FAT3: variants seen among roughly 807,000 people sequenced by gnomAD.
FAT3 encodes FAT atypical cadherin 3.
FAT3 carries 95 observed loss-of-function variants against 310.2 expected under a neutral mutation model. The ratio of observed to expected loss-of-function variants is 0.31; its 90% confidence interval spans 0.26 to 0.36. FAT3 has a LOEUF of 0.36. FAT3 is among the 10% of genes least tolerant of loss of function. FAT3 has a pLI of 1.00. For missense variants in FAT3, 5,408 were observed against 5,715.6 expected, an observed-to-expected ratio of 0.95 and a Z score of 1.74; for synonymous variants, 2,314 against 2,192.9, an observed-to-expected ratio of 1.06 and a Z score of -1.54.
chr11:92,251,990 A>C (rs2134280108), intron 1 of FAT3, among the ~76,000 whole-genome samples: 1 of 152,272 alleles, frequency 6.6e-6, no homozygotes, highest in South Asian at 2.1e-4. Context: ...AACAGGCCTG[A>C]AAATTCTACA....
chr11:92,818,927 C>T (rs1947890721), intron 13 of FAT3, among the ~76,000 whole-genome samples: 1 of 152,190 alleles, frequency 6.6e-6, no homozygotes, highest in African/African-American at 2.4e-5. Flanking sequence ...CCTAGGCAAG[C>T]TCAGTTACTT....
At chr11:92,268,716 C>T (rs529400399) in intron 1 of FAT3, among the ~76,000 whole-genome samples, 1 of 152,016 alleles carries the variant, frequency 6.6e-6, no homozygotes, top group Non-Finnish European at 1.5e-5. Context: ...TACATATTTC[C>T]CCAGGCATTC....
intron 18 of FAT3, among the ~76,000 whole-genome samples, chr11:92,842,404 G>A (rs760068558): frequency 6.6e-6 from 1 of 152,104 alleles, no homozygotes; most frequent in African/African-American, 2.4e-5. Context: ...ACATGTGAAC[G>A]GGCAACCTCT....
intron 3 of FAT3, among the ~76,000 whole-genome samples, chr11:92,606,610 C>A (rs1236583631): frequency 6.6e-6 from 1 of 152,194 alleles, no homozygotes. Flanking sequence ...CAGTGTCAGT[C>A]ATTCTGCTAA....
chr11:92,689,264 C>G (rs1444662881), intron 3 of FAT3, among the ~76,000 whole-genome samples: 1 of 151,976 alleles, frequency 6.6e-6, no homozygotes, highest in Non-Finnish European at 1.5e-5. Context: ...TAGGATTCAT[C>G]TATATAGTGG....
In FAT3 at chr11:92,542,522, G is replaced by A. The variant is rs1045230584; in HGVS notation, c.3607+17574G>A. Among the ~76,000 whole-genome samples the A allele has an allele frequency of 7.2e-5, 11 of 151,766 alleles. No homozygotes were observed. The East Asian group carries it at 1.9e-3, about 27-fold the overall frequency. ...ACATACATAACTCTGATTAGAAAATGGACAAAAGACCTGAAAAGACATTTC... is the reference window on the plus strand; with the variant it reads ...ACATACATAACTCTGATTAGAAAATAGACAAAAGACCTGAAAAGACATTTC... On this transcript the variant is annotated intron_variant, in intron 3 of 27. Coordinates refer to ENST00000525166, the MANE Select transcript of FAT3 (RefSeq NM_001367949.2).
chr11:92,754,128 T>C (rs542611967), intron 4 of FAT3, among the ~76,000 whole-genome samples: 1 of 152,014 alleles, frequency 6.6e-6, no homozygotes, highest in South Asian at 2.1e-4. Context: ...CAATAACATA[T>C]GGAAATATAA....
Position 92,523,532 on chromosome 11 carries a change from G to A in FAT3, c.3293-1102G>A, listed in dbSNP as rs112612075. ...GTACTTGGCAGTTTGCTTATGCAGG[G>A]TCTATAGGCTAAGTTATATGCCTAA... On this transcript the variant is annotated intron_variant, in intron 2 of 27. Transcript: ENST00000525166. 4.3e-3 allele frequency among the ~76,000 whole-genome samples: 651 copies of A among 152,226 alleles called. 4 individuals are homozygous for A. The highest frequency in any genetic ancestry group is 0.015 in the African/African-American group (614 of 41,514).
intron 2 of FAT3, among the ~76,000 whole-genome samples, chr11:92,406,068 C>G (rs1017770493): frequency 1.3e-5 from 2 of 152,102 alleles, no homozygotes; most frequent in Admixed American, 6.5e-5. Context: ...ATCTTCATTC[C>G]TTGGTTCATA....
intron 1 of FAT3, among the ~76,000 whole-genome samples, chr11:92,297,428 G>A (rs1385853841): frequency 6.6e-6 from 1 of 152,108 alleles, no homozygotes; most frequent in Non-Finnish European, 1.5e-5. Flanking sequence ...CTTTGTAACA[G>A]TCACAAGAAA....
intron 2 of FAT3, among the ~76,000 whole-genome samples, chr11:92,442,084 TA>T (rs1565319970): frequency 2.1e-4 from 13 of 63,190 alleles, no homozygotes; most frequent in African/African-American, 9.1e-4. Flanking sequence ...ATATATTTTA[TA>T]TATATATATA....
intron 4 of FAT3, among the ~76,000 whole-genome samples, chr11:92,721,254 T>C (rs1332908153): frequency 4.6e-5 from 7 of 152,226 alleles, no homozygotes; most frequent in Non-Finnish European, 1.5e-5. Context: ...TTAAAGGGCC[T>C]TATTAGCTAT....
In FAT3 at chr11:92,891,123, C is replaced by T. The variant is rs766834913; in HGVS notation, c.*10C>T. ...TCAGACTCAAGTGTAGACATCACAT[C>T]TTGGGTACTTCACCCTGTTTGTTAC... On this transcript the variant is annotated 3_prime_UTR_variant, in exon 28 of 28. Coordinates refer to ENST00000525166, the MANE Select transcript of FAT3 (RefSeq NM_001367949.2). The T allele has an allele frequency of 2.5e-6, 4 of 1,611,174 alleles. No individual in the cohort carries two copies. In the East Asian group the frequency reaches 8.9e-5, roughly 36 times the overall value.
At chr11:92,839,841 T>G (rs1012185619) in intron 17 of FAT3, among the ~76,000 whole-genome samples, 1 of 152,186 alleles carries the variant, frequency 6.6e-6, no homozygotes, top group African/African-American at 2.4e-5. Context: ...AAGAAGGAGC[T>G]TTGCATTCCC....
Position 92,790,186 on chromosome 11 carries a change from G to A in FAT3, c.4579G>A (p.Glu1527Lys). ...CTATACTGCCGAGAGGCTGGACCAT[G>A]AGGCCCAGGACAAGCACATTCTCAA... ...VLYTAERLDH[E>K]AQDKHILNIM... The change falls in exon 8 of 28, where the codon GAG (glutamate) becomes AAG (lysine). Residue 1527 changes from glutamate to lysine, a missense_variant. By Grantham distance (56) the Glu-to-Lys change is moderately conservative (BLOSUM62 1). Transcript: ENST00000525166. 1 of 1,613,702 alleles carries A rather than the reference G, an allele frequency of 6.2e-7. No individual in the cohort carries two copies. Among genetic ancestry groups the A allele is most frequent in the Non-Finnish European group, 8.5e-7 (1 of 1,179,670 alleles).
chr11:92,792,641 G>A, intron 8 of FAT3, 126 bp from the exon 9 acceptor site: 1 of 820,716 alleles, frequency 1.2e-6, no homozygotes, highest in Admixed American at 2.3e-5. Flanking sequence ...GCACCTACTA[G>A]AAGCCTGGAA....
At chr11:92,785,292 G>A (rs1401420615) in intron 7 of FAT3, among the ~76,000 whole-genome samples, 14 of 152,104 alleles carry the variant, frequency 9.2e-5, no homozygotes. Context: ...AATATTTAAT[G>A]GAGAATAACT....
intron 2 of FAT3, among the ~76,000 whole-genome samples, chr11:92,478,061 G>A (rs1952095869): frequency 6.6e-6 from 1 of 152,206 alleles, no homozygotes; most frequent in South Asian, 2.1e-4. Flanking sequence ...CCAGCATAGA[G>A]AAGTTATTTA....
chr11:92,250,559 A>G (rs571265693), intron 1 of FAT3, among the ~76,000 whole-genome samples: 1 of 152,110 alleles, frequency 6.6e-6, no homozygotes, highest in Non-Finnish European at 1.5e-5. Context: ...ATTGGGAGGT[A>G]TTTGGTTATT....
Sources: gnomAD v4.1 joint callset for allele counts (sites outside exome capture counted in the v4.1 genomes callset) on GRCh38, gnomAD v4.1.1 for gene constraint, MANE v1.5 for transcripts, NCBI Gene and HGNC (gene_info 2026-07-23, HGNC 2026-07-21) for gene names.